TNKS: variants seen among roughly 807,000 people sequenced by gnomAD.
TNKS encodes poly [ADP-ribose] polymerase tankyrase-1.
Under a neutral mutation model 135.8 loss-of-function variants are expected in TNKS, and 72 were observed. The observed-to-expected ratio is 0.53, with a 90% confidence interval of 0.44 to 0.64. The LOEUF (loss-of-function observed/expected upper bound fraction) is 0.64, where lower values mean the gene tolerates loss of function less well. Ranked by LOEUF, TNKS falls within the 30% of genes least tolerant of loss-of-function variation. The pLI is 0.00. For missense variants in TNKS, 1,769 were observed against 1,674.0 expected (o/e 1.06, Z -0.99); for synonymous variants, 849 against 649.3 (o/e 1.31, Z -4.68).
chr8:9,624,042 A>AC (rs1799966163), intron 3 of TNKS, among the ~76,000 whole-genome samples: 1 of 139,170 alleles, frequency 7.2e-6, no homozygotes, highest in Non-Finnish European at 1.6e-5. Flanking sequence ...CAACAACAAA[A>AC]AACAACTAAC....
At chr8:9,585,917 T>G in intron 2 of TNKS, among the ~76,000 whole-genome samples, 1 of 151,982 alleles carries the variant, frequency 6.6e-6, no homozygotes, top group East Asian at 1.9e-4. Flanking sequence ...GTGGTTGGAG[T>G]CAAAGAGACC....
chr8:9,773,062 A>C (rs1252415748), intron 26 of TNKS, among the ~76,000 whole-genome samples: 1 of 151,758 alleles, frequency 6.6e-6, no homozygotes, highest in Non-Finnish European at 1.5e-5. Flanking sequence ...AAAGGAAGGA[A>C]TAAATTTGTC....
At chr8:9,588,382 C>T (rs1401574186) in intron 2 of TNKS, among the ~76,000 whole-genome samples, 1 of 152,092 alleles carries the variant, frequency 6.6e-6, no homozygotes, top group Admixed American at 6.5e-5. Flanking sequence ...TCACGCCATG[C>T]TCTTGCCTCA....
chr8:9,761,070 T>A (rs149779770), intron 20 of TNKS, among the ~76,000 whole-genome samples: 1 of 152,322 alleles, frequency 6.6e-6, no homozygotes, highest in Non-Finnish European at 1.5e-5. Flanking sequence ...TAAAAATTGC[T>A]TTCTCCTTTT....
At chr8:9,588,023 T>C (rs1798453774) in intron 2 of TNKS, among the ~76,000 whole-genome samples, 1 of 152,218 alleles carries the variant, frequency 6.6e-6, no homozygotes, top group African/African-American at 2.4e-5. Context: ...CTTGTAAGAA[T>C]TCTTAAAATA....
chr8:9,705,525 C>T (rs1804000650), intron 6 of TNKS, among the ~76,000 whole-genome samples: 1 of 152,020 alleles, frequency 6.6e-6, no homozygotes, highest in South Asian at 2.1e-4. Context: ...AAAATGAACT[C>T]AATGCTTGAG....
At chr8:9,674,158 C>G (rs953800026) in intron 3 of TNKS, among the ~76,000 whole-genome samples, 20 of 152,232 alleles carry the variant, frequency 1.3e-4, no homozygotes, top group Middle Eastern at 3.4e-3. Flanking sequence ...AGAAAAACTG[C>G]TTACCAATAC....
At chr8:9,570,517 A>T (rs1797716526) in intron 1 of TNKS, among the ~76,000 whole-genome samples, 2 of 152,174 alleles carry the variant, frequency 1.3e-5, no homozygotes, top group Admixed American at 1.3e-4. Context: ...TGGGTAGAAT[A>T]ACCAACTGCT....
chr8:9,678,482 A>G (rs1056624614), intron 3 of TNKS, among the ~76,000 whole-genome samples: 2 of 152,236 alleles, frequency 1.3e-5, no homozygotes, highest in Non-Finnish European at 2.9e-5. Context: ...GAAATCATAT[A>G]TTCTAGCTTA....
chr8:9,613,851 A>G (rs1326406473), intron 2 of TNKS, among the ~76,000 whole-genome samples: 1 of 152,202 alleles, frequency 6.6e-6, no homozygotes, highest in African/African-American at 2.4e-5. Context: ...GACTTTCACT[A>G]TTTTACTTCT....
intron 5 of TNKS, among the ~76,000 whole-genome samples, chr8:9,686,476 T>C (rs186075118): frequency 3.9e-5 from 6 of 152,320 alleles, no homozygotes; most frequent in African/African-American, 1.4e-4. Flanking sequence ...TGTTATGTAG[T>C]AATAGATAAC....
At chr8:9,767,273 G>C (rs1056257699) in intron 25 of TNKS, among the ~76,000 whole-genome samples, 3 of 152,148 alleles carry the variant, frequency 2.0e-5, no homozygotes, top group Non-Finnish European at 4.4e-5. Flanking sequence ...AAAAATTGGA[G>C]AGAATAATGG....
intron 1 of TNKS, among the ~76,000 whole-genome samples, chr8:9,562,382 C>T (rs1295261541): frequency 6.6e-6 from 1 of 151,982 alleles, no homozygotes; most frequent in African/African-American, 2.4e-5. Context: ...TGACTCATCA[C>T]CTGGATAAGA....
intron 22 of TNKS, among the ~76,000 whole-genome samples, chr8:9,763,550 C>T (rs111294350): frequency 1.4e-3 from 220 of 152,260 alleles, no homozygotes; most frequent in African/African-American, 4.9e-3. Flanking sequence ...TACAGTGCCA[C>T]CTAAGAATGA....
intron 22 of TNKS, 34 bp from the exon 23 acceptor site, chr8:9,764,682 A>G: frequency 6.6e-7 from 1 of 1,518,278 alleles, no homozygotes; most frequent in East Asian, 2.4e-5. Flanking sequence ...ACACACTGGG[A>G]TGTTTTTATA....
intron 3 of TNKS, among the ~76,000 whole-genome samples, chr8:9,616,323 T>C (rs1417645351): frequency 6.6e-6 from 1 of 152,200 alleles, no homozygotes; most frequent in Admixed American, 6.5e-5. Flanking sequence ...AAAATAGTGC[T>C]CTAAGTGTTT....
At chr8:9,762,991 AG>A (rs1255032428) in intron 21 of TNKS, among the ~76,000 whole-genome samples, 155 bp from the exon 22 acceptor site, 1 of 151,580 alleles carries the variant, frequency 6.6e-6, no homozygotes, top group Non-Finnish European at 1.5e-5. Context: ...ATTTGTTTAA[AG>A]TAACCGAATT....
chr8:9,772,340 G>A (rs1383235726), intron 26 of TNKS: 4 of 452,666 alleles, frequency 8.8e-6, no homozygotes, highest in South Asian at 3.1e-5. Context: ...CACCAATGAG[G>A]GACAGATAGG....
intron 1 of TNKS, among the ~76,000 whole-genome samples, chr8:9,579,496 T>A (rs1798087324): frequency 6.6e-6 from 1 of 152,076 alleles, no homozygotes; most frequent in Admixed American, 6.6e-5. Flanking sequence ...TATTGAGGAG[T>A]CTCGCACTAT....
Sources: allele counts gnomAD v4.1 joint callset (sites outside exome capture counted in the v4.1 genomes callset), GRCh38; gene constraint gnomAD v4.1.1; transcripts MANE v1.5; gene names NCBI Gene and HGNC (gene_info 2026-07-23, HGNC 2026-07-21).